The following RCAN2 variants were observed in gnomAD, a reference collection of about 807,000 sequenced individuals.
The protein encoded by RCAN2 is regulator of calcineurin 2.
RCAN2 carries 9 observed loss-of-function variants against 23.6 expected under a neutral mutation model. The ratio of observed to expected loss-of-function variants is 0.38; its 90% confidence interval spans 0.23 to 0.67. The LOEUF is 0.67. Ranked by LOEUF, RCAN2 falls within the 30% of genes least tolerant of loss-of-function variation. The probability of loss-of-function intolerance (pLI) is 0.51; values close to 1 mark genes in which losing one functional copy is unlikely to be tolerated. For synonymous variants in RCAN2, 109 were observed against 115.7 expected (o/e 0.94, Z 0.37); for missense variants, 273 against 302.3 (o/e 0.90, Z 0.72).
intron 2 of RCAN2, among the ~76,000 whole-genome samples, chr6:46,375,958 A>C (rs972050926): frequency 3.3e-5 from 5 of 152,202 alleles, no homozygotes; most frequent in African/African-American, 1.2e-4. Context: ...CTATGACACT[A>C]TACATGCTTC....
chr6:46,470,406 G>A (rs1768526064), intron 1 of RCAN2, among the ~76,000 whole-genome samples: 1 of 152,228 alleles, frequency 6.6e-6, no homozygotes, highest in Non-Finnish European at 1.5e-5. Flanking sequence ...TAAGATGTCA[G>A]AGATCAGCGT....
intron 2 of RCAN2, among the ~76,000 whole-genome samples, chr6:46,297,506 C>G (rs80141962): frequency 5.3e-5 from 8 of 152,152 alleles, no homozygotes; most frequent in Admixed American, 2.0e-4. Flanking sequence ...GTAGAATAGA[C>G]ACCCCCCGCT....
At chr6:46,423,954 G>C (rs1390524217) in intron 2 of RCAN2, among the ~76,000 whole-genome samples, 3 of 152,012 alleles carry the variant, frequency 2.0e-5, no homozygotes, top group Non-Finnish European at 2.9e-5. Flanking sequence ...AGCACAAAAG[G>C]GTTAGGTAAC....
At chr6:46,354,807 A>G (rs1764772904) in intron 2 of RCAN2, among the ~76,000 whole-genome samples, 2 of 152,388 alleles carry the variant, frequency 1.3e-5, no homozygotes, top group South Asian at 4.1e-4. Flanking sequence ...ATGGCAATAA[A>G]GCACATTTCA....
chr6:46,445,061 A>C (rs1312910198), intron 2 of RCAN2, among the ~76,000 whole-genome samples: 1 of 152,108 alleles, frequency 6.6e-6, no homozygotes, highest in Non-Finnish European at 1.5e-5. Flanking sequence ...AGACTTCAGC[A>C]ATGTCCCAGT....
At chr6:46,479,952 A>T (rs1034221955) in intron 1 of RCAN2, among the ~76,000 whole-genome samples, 10 of 152,210 alleles carry the variant, frequency 6.6e-5, no homozygotes, top group African/African-American at 2.2e-4. Flanking sequence ...CCTTCACTTG[A>T]GGCAAATTAC....
At chr6:46,416,284 C>T (rs555925197) in intron 2 of RCAN2, among the ~76,000 whole-genome samples, 7 of 150,918 alleles carry the variant, frequency 4.6e-5, no homozygotes, top group African/African-American at 1.7e-4. Context: ...CACCAATCAC[C>T]TCTAAGCAAG....
intron 2 of RCAN2, among the ~76,000 whole-genome samples, chr6:46,341,563 C>A (rs1337493819): frequency 6.6e-6 from 1 of 152,134 alleles, no homozygotes; most frequent in Non-Finnish European, 1.5e-5. Flanking sequence ...CTTTGGGAGC[C>A]TGAGGTGGGT....
At chr6:46,411,740 G>A (rs1265660072) in intron 2 of RCAN2, among the ~76,000 whole-genome samples, 4 of 152,126 alleles carry the variant, frequency 2.6e-5, no homozygotes, top group East Asian at 1.9e-4. Context: ...GTTAAAAGAA[G>A]TACCTAATCT....
chr6:46,273,558 G>T (rs9472731), intron 2 of RCAN2, among the ~76,000 whole-genome samples: 119,391 of 152,140 alleles, frequency 0.78, 47,148 homozygotes, highest in Non-Finnish European at 0.83. Context: ...AGTTAATCTC[G>T]TCATTCTAGT....
intron 2 of RCAN2, among the ~76,000 whole-genome samples, chr6:46,442,986 A>G (rs189374631): frequency 2.0e-5 from 3 of 152,236 alleles, no homozygotes; most frequent in Non-Finnish European, 4.4e-5. Context: ...CCAAGTGATT[A>G]GCAGTAACTA....
At chr6:46,259,713 C>T (rs1045274155) in intron 2 of RCAN2, among the ~76,000 whole-genome samples, 3 of 152,270 alleles carry the variant, frequency 2.0e-5, no homozygotes, top group Admixed American at 6.5e-5. Flanking sequence ...CAAGACTGCC[C>T]CACTTTGGAC....
chr6:46,261,374 A>T (rs1767101465), intron 2 of RCAN2, among the ~76,000 whole-genome samples: 2 of 152,190 alleles, frequency 1.3e-5, no homozygotes, highest in Non-Finnish European at 2.9e-5. Flanking sequence ...TTGATGCCTC[A>T]GTTTCCTTAC....
In RCAN2 at chr6:46,222,893, T is replaced by G; in HGVS notation, c.*248A>C. ...AGAACAAAGATATAGGCTGTGCTGA[T>G]TGTTTAATAAGAAAATACTACTTTT... On this transcript the variant is annotated 3_prime_UTR_variant, in exon 5 of 5. Coordinates refer to ENST00000371374, the MANE Select transcript of RCAN2 (RefSeq NM_001251974.2). 2.2e-6 allele frequency: 1 copy of G among 460,054 alleles called. No homozygotes were observed. The highest frequency in any genetic ancestry group is 4.2e-5 in the East Asian group (1 of 23,996). 28.5% of individuals were successfully genotyped at this position (460,054 alleles called of 1,614,324 possible). A position where few individuals can be genotyped will look rare whatever the true frequency, so the allele number is the denominator to read the frequency against.
At position 46,458,890 on chromosome 6, in the gene RCAN2, C is replaced by CGT. The variant is rs1022032438; in HGVS notation, c.-2-1913_-2-1912insAC. On this transcript the variant is annotated intron_variant, in intron 1 of 4. Coordinates refer to ENST00000371374, the MANE Select transcript of RCAN2 (RefSeq NM_001251974.2). The stretch of plus-strand genomic sequence containing the variant: ...CATTAATAGTTTACAGGAAAACGCG[C>CGT]GCGCACGTGTGTGTGTGTGTGATGG... Among the ~76,000 whole-genome samples the CGT allele has an allele frequency of 7.7e-5, 10 of 129,840 alleles. No individual in the cohort carries two copies. The East Asian group carries it at 1.4e-3, about 18-fold the overall frequency. 85.2% of individuals were successfully genotyped at this position (129,840 alleles called of 152,430 possible).
chr6:46,490,222 C>T (rs1003224815), intron 1 of RCAN2, among the ~76,000 whole-genome samples: 1 of 152,176 alleles, frequency 6.6e-6, no homozygotes, highest in African/African-American at 2.4e-5. Context: ...GAAGTGTGAG[C>T]TGGAATGCTG....
At chr6:46,424,529 G>A (rs1766980741) in intron 2 of RCAN2, among the ~76,000 whole-genome samples, 2 of 152,018 alleles carry the variant, frequency 1.3e-5, no homozygotes, top group South Asian at 4.2e-4. Flanking sequence ...ATCAGATTCT[G>A]CTTGTCTGCA....
chr6:46,241,915 T>A (rs1470645914), intron 4 of RCAN2, among the ~76,000 whole-genome samples: 1 of 152,126 alleles, frequency 6.6e-6, no homozygotes. Context: ...TTAAGTCATT[T>A]TTATTTATTT....
At chr6:46,396,927 A>G (rs1766107417) in intron 2 of RCAN2, among the ~76,000 whole-genome samples, 1 of 152,034 alleles carries the variant, frequency 6.6e-6, no homozygotes, top group South Asian at 2.1e-4. Context: ...CCTGACCAAT[A>G]TGGTGAAACC....
Sources: gnomAD v4.1 joint callset for allele counts (sites outside exome capture counted in the v4.1 genomes callset) on GRCh38, gnomAD v4.1.1 for gene constraint, MANE v1.5 for transcripts, NCBI Gene and HGNC (gene_info 2026-07-23, HGNC 2026-07-21) for gene names.